The following UNC13C variants were observed in gnomAD, a reference collection of about 807,000 sequenced individuals.
The protein encoded by UNC13C is unc-13 homolog C, also known as protein unc-13 homolog C.
UNC13C carries 174 observed loss-of-function variants against 245.4 expected under a neutral mutation model. That is an observed-to-expected ratio of 0.71 (90% confidence interval 0.63 to 0.80). The LOEUF (loss-of-function observed/expected upper bound fraction) is 0.80, where lower values mean the gene tolerates loss of function less well. Ranked by LOEUF, UNC13C falls within the 30% of genes least tolerant of loss-of-function variation. UNC13C has a pLI of 0.00. For missense variants in UNC13C, 2,829 were observed against 2,602.9 expected, an observed-to-expected ratio of 1.09 and a Z score of -1.89; for synonymous variants, 992 against 895.1, an observed-to-expected ratio of 1.11 and a Z score of -1.93.
the UNC13C span, among the ~76,000 whole-genome samples, chr15:53,839,787 G>C: frequency 6.6e-6 from 1 of 151,748 alleles, no homozygotes; most frequent in African/African-American, 2.4e-5. Context: ...TGCTCTGTTT[G>C]GAAGTTATAT....
downstream of UNC13C, chr15:54,629,121 C>CCATGT (rs1205321568): frequency 6.6e-6 from 1 of 152,066 alleles, no homozygotes; most frequent in East Asian, 1.9e-4. Flanking sequence ...AAGAATGAGA[C>CCATGT]CATGTCCTTC....
In UNC13C at chr15:54,569,426, G is replaced by A. The variant is rs150648222; in HGVS notation, c.6106+1479G>A. On this transcript the variant is annotated intron_variant, in intron 30 of 32. Coordinates refer to ENST00000260323, the MANE Select transcript of UNC13C (RefSeq NM_001080534.3). ...GAAAAATGTAAATGATTGTTATATA[G>A]TATTGTTTATGGAATAATAACAAGA... Among the ~76,000 whole-genome samples, 19 of 152,188 alleles carry A rather than the reference G, an allele frequency of 1.2e-4. No individual in the cohort carries two copies. The East Asian group carries it at 3.7e-3, about 29-fold the overall frequency.
intron 30 of UNC13C, among the ~76,000 whole-genome samples, chr15:54,600,582 A>T (rs1015156549): frequency 1.2e-4 from 19 of 152,108 alleles, no homozygotes; most frequent in African/African-American, 4.3e-4. Flanking sequence ...TCAGATGTGA[A>T]TACACATTAT....
intron 10 of UNC13C, among the ~76,000 whole-genome samples, chr15:54,281,986 G>A (rs74246488): frequency 0.046 from 7,033 of 152,210 alleles, 375 homozygotes; most frequent in East Asian, 0.22. Context: ...TGTGGGGTAT[G>A]TCTCAGCAGG....
chr15:54,586,403 T>C (rs776877839), intron 30 of UNC13C, among the ~76,000 whole-genome samples: 6 of 152,238 alleles, frequency 3.9e-5, no homozygotes, highest in Non-Finnish European at 1.5e-5. Context: ...TTGCTCTTCC[T>C]ATCTTGCAGA....
chr15:54,106,464 G>A (rs982420733), intron 2 of UNC13C, among the ~76,000 whole-genome samples: 1 of 152,202 alleles, frequency 6.6e-6, no homozygotes, highest in Admixed American at 6.5e-5. Flanking sequence ...AAGTGATTCA[G>A]ATTTGAGAGG....
At chr15:53,944,082 T>C in the UNC13C span, among the ~76,000 whole-genome samples, 2 of 146,880 alleles carry the variant, frequency 1.4e-5, no homozygotes, top group Non-Finnish European at 3.1e-5. Context: ...TATCTGTCTT[T>C]TAGTTAGTTT....
At chr15:53,959,916 A>G in the UNC13C span, among the ~76,000 whole-genome samples, 4 of 152,170 alleles carry the variant, frequency 2.6e-5, no homozygotes, top group Admixed American at 6.5e-5. Context: ...CGCATTTTAG[A>G]AAAAGAATTA....
the UNC13C span, among the ~76,000 whole-genome samples, chr15:53,840,744 A>G: frequency 3.3e-5 from 5 of 152,268 alleles, no homozygotes; most frequent in African/African-American, 1.2e-4. Context: ...CAAGTTTGGG[A>G]TGGAAGGACA....
Position 54,103,088 on chromosome 15 carries a change from GA to G in UNC13C, c.2984-39927del, listed in dbSNP as rs531051517. ...TTGCTGAGGGTACAAATCGGGGAGAGAAAGCCCTCTTTCTGCAGTATTTTTC... is the reference window on the plus strand; with the variant it reads ...TTGCTGAGGGTACAAATCGGGGAGAGAAGCCCTCTTTCTGCAGTATTTTTC... On this transcript the variant is annotated intron_variant, in intron 2 of 32. Transcript: ENST00000260323. 4.3e-3 allele frequency among the ~76,000 whole-genome samples: 655 copies of G among 152,272 alleles called. 2 individuals are homozygous for G. The highest frequency in any genetic ancestry group is 7.0e-3 in the Non-Finnish European group (479 of 68,022).
At chr15:54,285,275 A>G (rs1312289491) in intron 10 of UNC13C, among the ~76,000 whole-genome samples, 4 of 152,098 alleles carry the variant, frequency 2.6e-5, no homozygotes, top group Non-Finnish European at 4.4e-5. Flanking sequence ...TTAAACTCCA[A>G]TACTCCAATA....
upstream of UNC13C, among the ~76,000 whole-genome samples, chr15:53,975,221 C>G (rs978818295): frequency 6.6e-6 from 1 of 152,238 alleles, no homozygotes; most frequent in Non-Finnish European, 1.5e-5. Flanking sequence ...GTGTGTTTTA[C>G]TACCATGTAA....
At chr15:54,288,841 T>C (rs372835875) in intron 10 of UNC13C, among the ~76,000 whole-genome samples, 21 of 152,194 alleles carry the variant, frequency 1.4e-4, no homozygotes, top group South Asian at 1.0e-3. Flanking sequence ...TTTTGTCTCT[T>C]ATCTCTTGGC....
At chr15:54,304,699 A>G (rs1455899889) in intron 13 of UNC13C, among the ~76,000 whole-genome samples, 1 of 149,478 alleles carries the variant, frequency 6.7e-6, no homozygotes, top group African/African-American at 2.4e-5. Flanking sequence ...TCCCTGTTGC[A>G]GTAGCCTTAA....
intron 28 of UNC13C, among the ~76,000 whole-genome samples, chr15:54,555,135 T>C (rs1327038461): frequency 6.6e-6 from 1 of 152,026 alleles, no homozygotes; most frequent in Non-Finnish European, 1.5e-5. Context: ...GGTGACAAAA[T>C]TTCATCACGC....
the UNC13C span, among the ~76,000 whole-genome samples, chr15:53,846,262 T>G: frequency 6.6e-6 from 1 of 152,222 alleles, no homozygotes; most frequent in South Asian, 2.1e-4. Flanking sequence ...GATCTTTGCA[T>G]TCACATGGCA....
intron 19 of UNC13C, among the ~76,000 whole-genome samples, chr15:54,452,328 T>A (rs551416790): frequency 3.7e-4 from 56 of 152,204 alleles, no homozygotes; most frequent in African/African-American, 1.3e-3. Flanking sequence ...GGATAGTGCG[T>A]GGATTATGGC....
chr15:54,194,453 G>T (rs565782471), intron 4 of UNC13C, among the ~76,000 whole-genome samples: 14 of 152,106 alleles, frequency 9.2e-5, no homozygotes, highest in Admixed American at 7.2e-4. Context: ...CCATATTTTA[G>T]TCATAAAATA....
intron 4 of UNC13C, among the ~76,000 whole-genome samples, chr15:54,186,660 G>A (rs1298888691): frequency 2.0e-5 from 3 of 151,702 alleles, no homozygotes; most frequent in South Asian, 4.2e-4. Context: ...ATGAATTGTA[G>A]TAAGAATGGA....
Sources: gnomAD v4.1 joint callset for allele counts (sites outside exome capture counted in the v4.1 genomes callset) on GRCh38, gnomAD v4.1.1 for gene constraint, MANE v1.5 for transcripts, NCBI Gene and HGNC (gene_info 2026-07-23, HGNC 2026-07-21) for gene names.